The following TRIM44 variants were observed in gnomAD, a reference collection of about 807,000 sequenced individuals.
The protein encoded by TRIM44 is tripartite motif containing 44, also known as tripartite motif-containing protein 44.
Under a neutral mutation model 37.4 loss-of-function variants are expected in TRIM44, and 13 were observed. The observed-to-expected ratio is 0.35, with a 90% CI of 0.23 to 0.55. The LOEUF is 0.55. TRIM44 is among the 20% of genes least tolerant of loss of function. The pLI, the probability that TRIM44 is intolerant of heterozygous loss-of-function variation, is 0.89. For synonymous variants in TRIM44, 175 were observed against 157.2 expected (o/e 1.11, Z -0.85); for missense variants, 426 against 437.2 (o/e 0.97, Z 0.23).
intron 4 of TRIM44, among the ~76,000 whole-genome samples, chr11:35,751,629 C>T (rs1469254137): frequency 6.6e-6 from 1 of 152,120 alleles, no homozygotes; most frequent in Non-Finnish European, 1.5e-5. Context: ...TAAATTTTGT[C>T]TTATACCCTT....
intron 4 of TRIM44, among the ~76,000 whole-genome samples, chr11:35,742,209 C>T (rs1399482008): frequency 6.6e-6 from 1 of 151,792 alleles, no homozygotes; most frequent in East Asian, 1.9e-4. Context: ...TCCCAAAGTG[C>T]TGAGAATACA....
rs1006114975 is a variant in TRIM44 at position 35,662,943 on chromosome 11, C to T, written c.-169C>T. The T allele has an allele frequency of 2.5e-6, 3 of 1,195,014 alleles. No individual in the cohort carries two copies. The highest frequency in any genetic ancestry group is 4.5e-5 in the South Asian group (2 of 44,730). 74.0% of individuals were successfully genotyped at this position (1,195,014 alleles called of 1,614,324 possible). On this transcript the variant is annotated 5_prime_UTR_variant, in exon 1 of 5. Transcript: ENST00000299413. Reference sequence around the variant, plus strand: ...GCGGAAAGGGTCTTTGCTGCTGCGCCCGGGCAGGGGCTGCCGCGGCCCCAG... The same window carrying T: ...GCGGAAAGGGTCTTTGCTGCTGCGCTCGGGCAGGGGCTGCCGCGGCCCCAG...
At chr11:35,722,016 G>C (rs1210047476) in intron 2 of TRIM44, among the ~76,000 whole-genome samples, 14 of 152,332 alleles carry the variant, frequency 9.2e-5, no homozygotes, top group Admixed American at 9.2e-4. Flanking sequence ...AATGCTGAAG[G>C]CTAAACAGAT....
intron 1 of TRIM44, among the ~76,000 whole-genome samples, chr11:35,677,925 A>T (rs1042536075): frequency 6.6e-6 from 1 of 152,160 alleles, no homozygotes. Flanking sequence ...GGATCTGAGG[A>T]CTTTTTGAAC....
intron 4 of TRIM44, among the ~76,000 whole-genome samples, chr11:35,796,707 A>G (rs531974980): frequency 6.6e-6 from 1 of 152,056 alleles, no homozygotes; most frequent in Non-Finnish European, 1.5e-5. Context: ...CACTGGGGGG[A>G]GGAAAGGGAA....
chr11:35,682,631 G>A (rs777538727), intron 1 of TRIM44, among the ~76,000 whole-genome samples: 9 of 152,190 alleles, frequency 5.9e-5, no homozygotes, highest in Non-Finnish European at 1.0e-4. Context: ...AGAGAGTGGG[G>A]TGGGGAGGTG....
chr11:35,749,380 A>T (rs1303845243), intron 4 of TRIM44, among the ~76,000 whole-genome samples: 1 of 152,198 alleles, frequency 6.6e-6, no homozygotes, highest in Non-Finnish European at 1.5e-5. Flanking sequence ...CAAAAGATAG[A>T]ATAAGAATAA....
chr11:35,757,858 C>G (rs953408010), intron 4 of TRIM44, among the ~76,000 whole-genome samples: 19 of 152,106 alleles, frequency 1.2e-4, no homozygotes, highest in African/African-American at 4.3e-4. Context: ...ACTGTGGTCT[C>G]AGAGACAATT....
At chr11:35,697,996 A>G (rs1370750490) in intron 2 of TRIM44, among the ~76,000 whole-genome samples, 2 of 151,272 alleles carry the variant, frequency 1.3e-5, no homozygotes, top group African/African-American at 2.4e-5. Context: ...GTCAAATGGT[A>G]TTTCTAGTTC....
At chr11:35,775,446 T>C (rs1822126103) in intron 4 of TRIM44, among the ~76,000 whole-genome samples, 1 of 152,246 alleles carries the variant, frequency 6.6e-6, no homozygotes. Context: ...CTTTTGCTAA[T>C]TGAATACTCT....
intron 4 of TRIM44, among the ~76,000 whole-genome samples, chr11:35,762,130 C>T (rs1827996712): frequency 6.6e-6 from 1 of 152,212 alleles, no homozygotes; most frequent in South Asian, 2.1e-4. Context: ...ACCGTGCAGG[C>T]TGCTCTCTGG....
chr11:35,741,368 C>A lies in TRIM44; in HGVS notation c.1007+5923C>A, dbSNP rs561311992. Among the ~76,000 whole-genome samples the A allele has an allele frequency of 5.9e-5, 9 of 152,230 alleles. No homozygotes were observed. In the South Asian group the frequency reaches 1.9e-3, roughly 32 times the overall value. ...TCTATACCCAAAGCATACCTCCTTG[C>A]TAAAATAATTGATTCAGAAATTTGC... is the stretch of plus-strand genomic sequence containing the variant. On this transcript the variant is annotated intron_variant, in intron 4 of 4. Coordinates refer to ENST00000299413, the MANE Select transcript of TRIM44 (RefSeq NM_017583.6).
chr11:35,674,979 G>T (rs1202990378), intron 1 of TRIM44, among the ~76,000 whole-genome samples: 1 of 152,178 alleles, frequency 6.6e-6, no homozygotes, highest in Non-Finnish European at 1.5e-5. Context: ...GTAGATACAG[G>T]CTTTGAGGTA....
chr11:35,703,351 A>G (rs1014956772), intron 2 of TRIM44, among the ~76,000 whole-genome samples: 2 of 152,232 alleles, frequency 1.3e-5, no homozygotes, highest in Non-Finnish European at 2.9e-5. Flanking sequence ...ACAAAAAGAC[A>G]GCAGTAACCT....
At chr11:35,800,689 C>G (rs948467470) in intron 4 of TRIM44, among the ~76,000 whole-genome samples, 6 of 152,198 alleles carry the variant, frequency 3.9e-5, no homozygotes, top group Non-Finnish European at 1.5e-5. Flanking sequence ...GGACTTGGAA[C>G]ATTTAGGCCA....
chr11:35,739,402 A>G (rs565070355), intron 4 of TRIM44, among the ~76,000 whole-genome samples: 75 of 152,290 alleles, frequency 4.9e-4, no homozygotes, highest in African/African-American at 1.6e-3. Flanking sequence ...CATGTGGACT[A>G]TCTTCAAAAT....
intron 4 of TRIM44, among the ~76,000 whole-genome samples, chr11:35,760,382 G>T (rs1421652305): frequency 6.6e-6 from 1 of 152,218 alleles, no homozygotes; most frequent in Non-Finnish European, 1.5e-5. Context: ...GATGTTACAG[G>T]TGCCATCTGT....
chr11:35,673,647 C>T (rs1405879552), intron 1 of TRIM44, among the ~76,000 whole-genome samples: 1 of 152,186 alleles, frequency 6.6e-6, no homozygotes. Context: ...TATTCTCTCT[C>T]CTAGAAGTCT....
At chr11:35,720,653 A>G (rs972718094) in intron 2 of TRIM44, among the ~76,000 whole-genome samples, 3 of 152,090 alleles carry the variant, frequency 2.0e-5, no homozygotes, top group African/African-American at 7.2e-5. Flanking sequence ...CTGACCATTA[A>G]GTGTGTTGTT....
Sources: allele counts gnomAD v4.1 joint callset (sites outside exome capture counted in the v4.1 genomes callset), GRCh38; gene constraint gnomAD v4.1.1; transcripts MANE v1.5; gene names NCBI Gene and HGNC (gene_info 2026-07-23, HGNC 2026-07-21).